The following CHP1 variants were observed in gnomAD, a reference collection of about 807,000 sequenced individuals.
The protein encoded by CHP1 is calcineurin B homologous protein 1.
A neutral mutation model predicts 27.4 loss-of-function variants in CHP1; 11 were observed. That is an observed-to-expected ratio of 0.40 (90% CI 0.25 to 0.67). The LOEUF is 0.67. Ranked by LOEUF, CHP1 falls within the 30% of genes least tolerant of loss-of-function variation. The probability of loss-of-function intolerance (pLI) is 0.38; values close to 1 mark genes in which losing one functional copy is unlikely to be tolerated. For missense variants in CHP1, 169 were observed against 251.3 expected, an observed-to-expected ratio of 0.67 and a Z score of 2.22; for synonymous variants, 89 against 87.4, an observed-to-expected ratio of 1.02 and a Z score of -0.10.
intron 2 of CHP1, among the ~76,000 whole-genome samples, chr15:41,250,815 A>G (rs1004561428): frequency 4.8e-4 from 73 of 151,558 alleles, no homozygotes; most frequent in African/African-American, 1.7e-3. Flanking sequence ...GGAGATATTT[A>G]AGACTTTCTT....
chr15:41,253,604 G>A lies in CHP1; in HGVS notation c.141-3306G>A, dbSNP rs769655964. ...CGAGTAGCTGGGACTACAGGTGCCC[G>A]TCACCACGCCTAGCTAATTTTTTGT... On this transcript the variant is annotated intron_variant, in intron 2 of 6. Coordinates refer to ENST00000334660, the MANE Select transcript of CHP1 (RefSeq NM_007236.5). Among the ~76,000 whole-genome samples the A allele has an allele frequency of 2.3e-3, 348 of 151,460 alleles. 5 individuals are homozygous for A. Among genetic ancestry groups the A allele is most frequent in the Non-Finnish European group, 5.5e-4 (37 of 67,842 alleles).
chr15:41,263,805 G>T (rs1169934600), intron 4 of CHP1, among the ~76,000 whole-genome samples: 1 of 152,146 alleles, frequency 6.6e-6, no homozygotes, highest in East Asian at 1.9e-4. Flanking sequence ...AGCCTGAGAG[G>T]TTGAGGCTGC....
intron 4 of CHP1, among the ~76,000 whole-genome samples, chr15:41,266,024 C>A (rs575006718): frequency 3.9e-4 from 59 of 152,118 alleles, no homozygotes; most frequent in Non-Finnish European, 7.4e-4. Context: ...TGGCTCATGC[C>A]TGTAATCCCA....
At chr15:41,250,764 C>T (rs905943655) in intron 2 of CHP1, among the ~76,000 whole-genome samples, 2 of 150,540 alleles carry the variant, frequency 1.3e-5, no homozygotes, top group Non-Finnish European at 3.0e-5. Context: ...AAGAATACTT[C>T]ACAATAAGAT....
At chr15:41,243,548 G>A (rs568431426) in intron 1 of CHP1, 119 bp from the exon 2 acceptor site, 57 of 660,798 alleles carry the variant, frequency 8.6e-5, no homozygotes, top group Non-Finnish European at 1.4e-4. Context: ...TAACATTCTA[G>A]AGATAAGAGT....
At chr15:41,265,650 G>A (rs1256336098) in intron 4 of CHP1, among the ~76,000 whole-genome samples, 1 of 150,856 alleles carries the variant, frequency 6.6e-6, no homozygotes, top group Non-Finnish European at 1.5e-5. Context: ...GGCAGAGGTT[G>A]CAGTTAGCCG....
At chr15:41,279,292 T>C in intron 6 of CHP1, 44 bp from the exon 7 acceptor site, 1 of 1,473,686 alleles carries the variant, frequency 6.8e-7, no homozygotes, top group South Asian at 1.1e-5. Context: ...GGGAGTGTTG[T>C]AATCTTCATA....
intron 5 of CHP1, among the ~76,000 whole-genome samples, chr15:41,275,226 C>T (rs865818593): frequency 6.6e-6 from 1 of 152,056 alleles, no homozygotes; most frequent in Non-Finnish European, 1.5e-5. Flanking sequence ...GGAGTAATCT[C>T]GGCTCACTGC....
intron 4 of CHP1, among the ~76,000 whole-genome samples, chr15:41,267,529 G>T (rs1314282321): frequency 1.3e-5 from 2 of 151,860 alleles, no homozygotes; most frequent in Non-Finnish European, 2.9e-5. Flanking sequence ...GGGTGTGGTG[G>T]CACATACCTG....
chr15:41,271,137 C>T (rs865814752), intron 5 of CHP1, among the ~76,000 whole-genome samples: 36 of 151,916 alleles, frequency 2.4e-4, no homozygotes, highest in African/African-American at 7.2e-4. Flanking sequence ...CACCTGTAGT[C>T]CCAGCTACTC....
At position 41,250,051 on chromosome 15, in the gene CHP1, T is replaced by A. The variant is rs867574503; in HGVS notation, c.140+6312T>A. On this transcript the variant is annotated intron_variant, in intron 2 of 6. Coordinates refer to ENST00000334660, the MANE Select transcript of CHP1 (RefSeq NM_007236.5). ...GAGACTCACTCCGAAGCATGCTTTATAGAACAGTCATTCCTTGGTCTATCA... is the reference window on the plus strand; with the variant it reads ...GAGACTCACTCCGAAGCATGCTTTAAAGAACAGTCATTCCTTGGTCTATCA... Among the ~76,000 whole-genome samples the A allele has an allele frequency of 2.0e-5, 3 of 147,636 alleles. No individual in the cohort carries two copies. The Admixed American group carries it at 2.0e-4, about 10-fold the overall frequency.
At chr15:41,244,394 G>A (rs948818758) in intron 2 of CHP1, among the ~76,000 whole-genome samples, 1 of 151,994 alleles carries the variant, frequency 6.6e-6, no homozygotes. Context: ...GACCCATAGC[G>A]ATCCCAGGTG....
intron 4 of CHP1, among the ~76,000 whole-genome samples, chr15:41,263,875 A>C (rs536287909): frequency 1.8e-4 from 27 of 152,316 alleles, no homozygotes; most frequent in Non-Finnish European, 3.4e-4. Flanking sequence ...TGTCTCAACA[A>C]AGAAAAGAAA....
intron 3 of CHP1, among the ~76,000 whole-genome samples, chr15:41,257,226 G>A (rs1013276637): frequency 2.0e-5 from 3 of 152,122 alleles, no homozygotes; most frequent in African/African-American, 7.2e-5. Flanking sequence ...TATCATTGAT[G>A]TAAAACTAGA....
chr15:41,274,792 T>G (rs1009439447), intron 5 of CHP1, among the ~76,000 whole-genome samples: 1 of 79,788 alleles, frequency 1.3e-5, no homozygotes, highest in African/African-American at 8.5e-5. Context: ...TTGTCTTTGT[T>G]TTTTTTTTTT....
At chr15:41,247,317 C>A (rs1337892216) in intron 2 of CHP1, among the ~76,000 whole-genome samples, 4 of 150,344 alleles carry the variant, frequency 2.7e-5, no homozygotes, top group Non-Finnish European at 5.9e-5. Context: ...TGTAGTGAAC[C>A]AAGATTGCAG....
At chr15:41,239,397 C>T (rs76551716) in intron 1 of CHP1, among the ~76,000 whole-genome samples, 1 of 149,488 alleles carries the variant, frequency 6.7e-6, no homozygotes, top group African/African-American at 2.5e-5. Flanking sequence ...TTTTTGTTAT[C>T]GTTTGTTTTG....
At chr15:41,271,044 A>G (rs2047486406) in intron 5 of CHP1, among the ~76,000 whole-genome samples, 1 of 152,108 alleles carries the variant, frequency 6.6e-6, no homozygotes, top group Non-Finnish European at 1.5e-5. Context: ...TCACGAGGTC[A>G]GGAGATCGAG....
intron 3 of CHP1, 84 bp downstream of exon 3, chr15:41,257,074 G>A (rs1006480414): frequency 1.9e-6 from 2 of 1,067,240 alleles, no homozygotes; most frequent in Non-Finnish European, 2.8e-6. Context: ...GATATTGGTT[G>A]TGCCATCTCA....
Sources: gnomAD v4.1 joint callset for allele counts (sites outside exome capture counted in the v4.1 genomes callset) on GRCh38, gnomAD v4.1.1 for gene constraint, MANE v1.5 for transcripts, NCBI Gene and HGNC (gene_info 2026-07-23, HGNC 2026-07-21) for gene names.